The following ACER1 variants were observed in gnomAD, a reference collection of about 807,000 sequenced individuals.
ACER1 encodes CTB-180A7.3.
A neutral mutation model predicts 24.9 loss-of-function variants in ACER1; 28 were observed. The observed-to-expected ratio is 1.13, with a 90% confidence interval of 0.83 to 1.54. The LOEUF is 1.54. Ranked by LOEUF, ACER1 falls within the 40% of genes most tolerant of loss-of-function variation. The probability of loss-of-function intolerance (pLI) is 0.00; values close to 1 mark genes in which losing one functional copy is unlikely to be tolerated. For synonymous variants in ACER1, 132 were observed against 131.4 expected, an observed-to-expected ratio of 1.00 and a Z score of -0.03; for missense variants, 352 against 349.3, an observed-to-expected ratio of 1.01 and a Z score of -0.06.
intron 1 of ACER1, among the ~76,000 whole-genome samples, chr19:6,320,058 G>C (rs959722154): frequency 1.4e-5 from 2 of 144,870 alleles, no homozygotes; most frequent in Non-Finnish European, 3.0e-5. Context: ...AGCTGAGATC[G>C]CACCATTGCA....
At chr19:6,323,284 G>A (rs1430428271) in intron 1 of ACER1, among the ~76,000 whole-genome samples, 2 of 152,044 alleles carry the variant, frequency 1.3e-5, no homozygotes, top group Non-Finnish European at 2.9e-5. Context: ...GCTGGGCGAG[G>A]TGGCGGGTGC....
chr19:6,320,214 C>G (rs1475738800), intron 1 of ACER1, among the ~76,000 whole-genome samples: 1 of 152,104 alleles, frequency 6.6e-6, no homozygotes, highest in Non-Finnish European at 1.5e-5. Context: ...CCAGCAACAC[C>G]TGGCCTCTGT....
chr19:6,340,364 GAAGGAAGGAAGA>G, the ACER1 span, among the ~76,000 whole-genome samples: 73 of 77,528 alleles, frequency 9.4e-4, 2 homozygotes, highest in South Asian at 1.7e-3. Flanking sequence ...AGGAAGGAAG[GAAGGAAGGAAGA>G]AAAACAGAAC....
chr19:6,313,911 C>T (rs1006476139), intron 1 of ACER1, among the ~76,000 whole-genome samples: 9 of 151,976 alleles, frequency 5.9e-5, no homozygotes, highest in African/African-American at 2.2e-4. Context: ...GAGAGAGATG[C>T]CAGAGGAGGG....
At chr19:6,356,429 C>A in the ACER1 span, among the ~76,000 whole-genome samples, 1 of 149,320 alleles carries the variant, frequency 6.7e-6, no homozygotes, top group Non-Finnish European at 1.5e-5. Flanking sequence ...TATGACCCTG[C>A]CAAATCCCCC....
At chr19:6,336,459 T>C (rs547192550), upstream of ACER1, among the ~76,000 whole-genome samples, 74 of 152,076 alleles carry the variant, frequency 4.9e-4, no homozygotes, top group South Asian at 1.5e-3. Flanking sequence ...GTGGTGAAAA[T>C]GATAATGGTA....
At chr19:6,307,061 C>T in intron 5 of ACER1, 92 bp downstream of exon 5, 2 of 1,563,724 alleles carry the variant, frequency 1.3e-6, no homozygotes, top group Non-Finnish European at 1.7e-6. Context: ...CTCTCTGCTT[C>T]TCCAACCCCA....
intron 1 of ACER1, among the ~76,000 whole-genome samples, chr19:6,328,260 G>T (rs2091670793): frequency 6.6e-6 from 1 of 151,802 alleles, no homozygotes; most frequent in Admixed American, 6.6e-5. Flanking sequence ...GGAGGCCAAG[G>T]AGGGTGGATC....
chr19:6,332,948 C>T (rs116902997), intron 1 of ACER1, among the ~76,000 whole-genome samples: 7,586 of 152,130 alleles, frequency 0.05, 287 homozygotes, highest in African/African-American at 0.11. Context: ...GGATTACAGA[C>T]GTGAGCCACC....
the ACER1 span, among the ~76,000 whole-genome samples, chr19:6,357,386 T>C: frequency 6.6e-6 from 1 of 151,014 alleles, no homozygotes; most frequent in Admixed American, 6.6e-5. Context: ...TGTGGCTGGA[T>C]TGAGCTTGAT....
At chr19:6,336,777 G>A (rs1183453604), upstream of ACER1, among the ~76,000 whole-genome samples, 5 of 135,734 alleles carry the variant, frequency 3.7e-5, no homozygotes, top group East Asian at 6.7e-4. Flanking sequence ...CCGAGATCAC[G>A]CCACTGCACT....
chr19:6,323,199 T>C (rs1253818332), intron 1 of ACER1, among the ~76,000 whole-genome samples: 1 of 151,782 alleles, frequency 6.6e-6, no homozygotes, highest in Non-Finnish European at 1.5e-5. Context: ...GGCAGGCAGA[T>C]CACGAAGTCA....
upstream of ACER1, among the ~76,000 whole-genome samples, chr19:6,337,047 G>A (rs773043499): frequency 2.6e-5 from 4 of 151,656 alleles, no homozygotes; most frequent in Non-Finnish European, 5.9e-5. Context: ...GTGGTGGCAC[G>A]CGCCTGTAAT....
At chr19:6,318,574 G>C (rs1418547507) in intron 1 of ACER1, among the ~76,000 whole-genome samples, 4 of 146,530 alleles carry the variant, frequency 2.7e-5, no homozygotes, top group Non-Finnish European at 6.0e-5. Context: ...TCACGAGATC[G>C]AGACCATCCT....
chr19:6,325,993 C>T (rs539439801), intron 1 of ACER1, among the ~76,000 whole-genome samples: 17 of 151,298 alleles, frequency 1.1e-4, no homozygotes, highest in African/African-American at 3.9e-4. Flanking sequence ...CTGGTTTTGT[C>T]CCTCAGGCTG....
chr19:6,327,969 G>A (rs998840475), intron 1 of ACER1, among the ~76,000 whole-genome samples: 21 of 151,678 alleles, frequency 1.4e-4, no homozygotes, highest in Admixed American at 5.3e-4. Context: ...CCAGCTACTC[G>A]GGAGGTTGAG....
the ACER1 span, among the ~76,000 whole-genome samples, chr19:6,347,109 A>AAAAAAAAATATATATATATATATAT: frequency 9.7e-5 from 11 of 113,822 alleles, no homozygotes; most frequent in African/African-American, 5.6e-4. Context: ...AAAAAAAAAA[A>AAAAAAAAATATATATATATATATAT]ATATATATAT....
chr19:6,356,160 C>G, the ACER1 span, among the ~76,000 whole-genome samples: 1 of 150,798 alleles, frequency 6.6e-6, no homozygotes, highest in East Asian at 1.9e-4. Flanking sequence ...TCCTGTTGAT[C>G]GGTGACCTTA....
In ACER1 at chr19:6,317,844, G is replaced by C. The variant is rs947810215; in HGVS notation, c.94-5345C>G. Among the ~76,000 whole-genome samples, 6 of 151,556 alleles carry C rather than the reference G, an allele frequency of 4.0e-5. No homozygotes were observed. The Middle Eastern group carries it at 0.014, about 344-fold the overall frequency. On this transcript the variant is annotated intron_variant, in intron 1 of 5. Coordinates refer to ENST00000301452, the MANE Select transcript of ACER1 (RefSeq NM_133492.3). ...ATCTTGGCTCACTGCAACCTCCACCGCCCGGGTTCAAGCAATTCTCCTGCC... is the reference window on the plus strand; with the variant it reads ...ATCTTGGCTCACTGCAACCTCCACCCCCCGGGTTCAAGCAATTCTCCTGCC...
Sources: gnomAD v4.1 joint callset for allele counts (sites outside exome capture counted in the v4.1 genomes callset) on GRCh38, gnomAD v4.1.1 for gene constraint, MANE v1.5 for transcripts, NCBI Gene and HGNC (gene_info 2026-07-23, HGNC 2026-07-21) for gene names.